Variants in ACSS3 observed in about 807,000 individuals in gnomAD.
ACSS3 encodes acyl-CoA synthetase short-chain family member 3, mitochondrial.
In ACSS3, 64 loss-of-function variants were observed where a neutral mutation model predicts 84.2. That is an observed-to-expected ratio of 0.76 (90% confidence interval 0.62 to 0.94). The LOEUF (loss-of-function observed/expected upper bound fraction) is 0.94, where lower values mean the gene tolerates loss of function less well. Ranked by LOEUF, ACSS3 falls within the 40% of genes least tolerant of loss-of-function variation. ACSS3 has a pLI of 0.00. For missense variants in ACSS3, 815 were observed against 867.6 expected, an observed-to-expected ratio of 0.94 and a Z score of 0.76; for synonymous variants, 317 against 310.1, an observed-to-expected ratio of 1.02 and a Z score of -0.23.
At chr12:81,152,326 A>G (rs1317323176) in intron 7 of ACSS3, among the ~76,000 whole-genome samples, 1 of 132,738 alleles carries the variant, frequency 7.5e-6, no homozygotes, top group Non-Finnish European at 1.7e-5. Context: ...AACATACAAA[A>G]ACAAGCTTTA....
At chr12:81,200,611 TG>T (rs1565717280) in intron 9 of ACSS3, among the ~76,000 whole-genome samples, 1 of 152,142 alleles carries the variant, frequency 6.6e-6, no homozygotes, top group Non-Finnish European at 1.5e-5. Flanking sequence ...GTTTTCTGAC[TG>T]GGCACGGTGG....
chr12:81,158,670 A>G (rs1887002363), intron 7 of ACSS3, among the ~76,000 whole-genome samples: 2 of 152,032 alleles, frequency 1.3e-5, no homozygotes. Context: ...CCCTGCAGTT[A>G]TTCTTATGCT....
chr12:81,214,008 A>G (rs147499372), intron 9 of ACSS3, among the ~76,000 whole-genome samples: 1,493 of 28,656 alleles, frequency 0.052, 43 homozygotes, highest in African/African-American at 0.16. Context: ...TCTTTCTTTC[A>G]TCTGTCTGTC....
intron 9 of ACSS3, among the ~76,000 whole-genome samples, chr12:81,213,901 T>TCCTTCCTTCCTTCCTTCC (rs1565724047): frequency 1.4e-5 from 1 of 72,506 alleles, no homozygotes; most frequent in African/African-American, 5.3e-5. Context: ...TTCTTTCTTT[T>TCCTTCCTTCCTTCCTTCC]GTCCTTCCTT....
intron 1 of ACSS3, among the ~76,000 whole-genome samples, chr12:81,096,258 AAGG>A (rs1265832468): frequency 6.6e-6 from 1 of 152,180 alleles, no homozygotes; most frequent in Non-Finnish European, 1.5e-5. Flanking sequence ...GAGAATTTGT[AAGG>A]AGAATGTGTC....
At chr12:81,140,875 A>G (rs1886060798) in intron 4 of ACSS3, among the ~76,000 whole-genome samples, 1 of 152,186 alleles carries the variant, frequency 6.6e-6, no homozygotes, top group Non-Finnish European at 1.5e-5. Context: ...TTCAGAACTT[A>G]TGATGTTCTA....
Position 81,195,787 on chromosome 12 carries a change from T to A in ACSS3, c.1251-3554T>A, listed in dbSNP as rs193223626. Among the ~76,000 whole-genome samples, 10 of 152,220 alleles carry A rather than the reference T, an allele frequency of 6.6e-5. No homozygotes were observed. In the East Asian group the frequency reaches 1.9e-3, roughly 29 times the overall value. On this transcript the variant is annotated intron_variant, in intron 8 of 15. Transcript: ENST00000548058. The stretch of plus-strand genomic sequence containing the variant: ...AATGACTAGTAATAGGTTATGCTCT[T>A]ATCTGAAATTTAAAATGATGCTTCT...
rs2034261678 is a variant in ACSS3, at chr12:81,255,183, C to T, written c.*261C>T. 1.8e-5 allele frequency: 5 copies of T among 278,496 alleles called. No homozygotes were observed. The highest frequency in any genetic ancestry group is 3.3e-5 in the Non-Finnish European group (5 of 151,214). The allele number at this position is 278,496 out of a possible 1,614,324, so 17.3% of individuals were successfully genotyped here. On this transcript the variant is annotated 3_prime_UTR_variant, in exon 16 of 16. Transcript: ENST00000548058. Reference sequence around the variant, plus strand: ...ATCTACTGCTTTAGGAAAAACGTATCTAGTGTATTATTTTTAAAATTGTAC... The same window carrying T: ...ATCTACTGCTTTAGGAAAAACGTATTTAGTGTATTATTTTTAAAATTGTAC...
chr12:81,134,661 A>C (rs1885692634), intron 2 of ACSS3, 155 bp from the exon 3 acceptor site: 1 of 521,264 alleles, frequency 1.9e-6, no homozygotes, highest in Non-Finnish European at 3.1e-6. Context: ...TACTCTCACC[A>C]TCTAAAGCAT....
intron 4 of ACSS3, among the ~76,000 whole-genome samples, chr12:81,139,619 A>AT (rs1555250955): frequency 1.5e-4 from 15 of 99,102 alleles, no homozygotes; most frequent in African/African-American, 3.3e-4. Flanking sequence ...TATATATATA[A>AT]AATAATAATA....
intron 1 of ACSS3, among the ~76,000 whole-genome samples, chr12:81,108,283 A>ATTATTG (rs1883262113): frequency 4.0e-5 from 6 of 148,936 alleles, no homozygotes; most frequent in Non-Finnish European, 7.4e-5. Flanking sequence ...TATTATTATT[A>ATTATTG]TTATTGTTAT....
chr12:81,218,508 A>G (rs1593211494), intron 10 of ACSS3, among the ~76,000 whole-genome samples: 1 of 152,208 alleles, frequency 6.6e-6, no homozygotes, highest in Non-Finnish European at 1.5e-5. Context: ...ATACATTTAT[A>G]AAAAGATACT....
At chr12:81,187,199 C>T (rs1278852050) in intron 8 of ACSS3, among the ~76,000 whole-genome samples, 1 of 151,214 alleles carries the variant, frequency 6.6e-6, no homozygotes, top group Non-Finnish European at 1.5e-5. Context: ...ACCATGGTTA[C>T]CAGGATTGGA....
intron 3 of ACSS3, among the ~76,000 whole-genome samples, chr12:81,137,360 CA>C (rs1565998327): frequency 7.1e-6 from 1 of 140,748 alleles, no homozygotes; most frequent in Non-Finnish European, 1.6e-5. Flanking sequence ...CACACACACA[CA>C]CACCCCTAAT....
chr12:81,160,552 C>A (rs1238769841), intron 7 of ACSS3, among the ~76,000 whole-genome samples: 1 of 151,976 alleles, frequency 6.6e-6, no homozygotes, highest in African/African-American at 2.4e-5. Context: ...ATTAATTAAA[C>A]CTCTTTGGTA....
At chr12:81,209,649 AG>A (rs2032505796) in intron 9 of ACSS3, among the ~76,000 whole-genome samples, 1 of 152,188 alleles carries the variant, frequency 6.6e-6, no homozygotes, top group Non-Finnish European at 1.5e-5. Context: ...AGTGAAAGCA[AG>A]TTTATTAGGA....
chr12:81,212,856 A>C (rs559312002), intron 9 of ACSS3, among the ~76,000 whole-genome samples: 2 of 152,306 alleles, frequency 1.3e-5, no homozygotes, highest in South Asian at 4.1e-4. Context: ...AAAACAAGGA[A>C]ATTTCTCTAT....
rs912821484 is a variant in ACSS3, at chr12:81,228,477, G to A, written c.1515-2580G>A. On this transcript the variant is annotated intron_variant, in intron 11 of 15. Transcript: ENST00000548058. ...GTCCTTAAGGCTTAGTTTTTTCTGGGAGACGACGTATGCTTTCATCCTGTA... is the reference window on the plus strand; with the variant it reads ...GTCCTTAAGGCTTAGTTTTTTCTGGAAGACGACGTATGCTTTCATCCTGTA... Among the ~76,000 whole-genome samples, 9 of 151,882 alleles carry A rather than the reference G, an allele frequency of 5.9e-5. No individual in the cohort carries two copies. The South Asian group carries it at 1.9e-3, about 32-fold the overall frequency.
chr12:81,211,702 C>A (rs1187455756), intron 9 of ACSS3, among the ~76,000 whole-genome samples: 4 of 152,252 alleles, frequency 2.6e-5, no homozygotes, highest in African/African-American at 7.2e-5. Context: ...GGACATAGAA[C>A]CTGAATGGTG....
Sources: allele counts gnomAD v4.1 joint callset (sites outside exome capture counted in the v4.1 genomes callset), GRCh38; gene constraint gnomAD v4.1.1; transcripts MANE v1.5; gene names NCBI Gene and HGNC (gene_info 2026-07-23, HGNC 2026-07-21).